CNTNAP3B: variants seen among roughly 807,000 people sequenced by gnomAD.
The protein encoded by CNTNAP3B is contactin-associated protein-like 3B.
Under a neutral mutation model 108.9 loss-of-function variants are expected in CNTNAP3B, and 25 were observed. The ratio of observed to expected loss-of-function variants is 0.23; its 90% CI spans 0.17 to 0.32. CNTNAP3B has a LOEUF of 0.32. Among genes scored for constraint, CNTNAP3B ranks in the 10% least tolerant of loss-of-function variants. The pLI is 1.00. For missense variants in CNTNAP3B, 252 were observed against 1,210.4 expected, an observed-to-expected ratio of 0.21 and a Z score of 11.75; for synonymous variants, 103 against 473.4, an observed-to-expected ratio of 0.22 and a Z score of 10.16.
chr9:42,103,530 TG>T (rs1401025489), intron 2 of CNTNAP3B, among the ~76,000 whole-genome samples: 22 of 121,240 alleles, frequency 1.8e-4, no homozygotes, highest in Non-Finnish European at 3.2e-4. Context: ...CAGACCACCT[TG>T]GCTAACATGG....
chr9:42,113,507 G>T (rs1274305611), intron 1 of CNTNAP3B, among the ~76,000 whole-genome samples: 1 of 139,300 alleles, frequency 7.2e-6, no homozygotes, highest in Non-Finnish European at 1.5e-5. Flanking sequence ...ATTAAGTCGT[G>T]CAGAAAGACA....
At chr9:41,939,880 G>T (rs1160649761) in intron 13 of CNTNAP3B, among the ~76,000 whole-genome samples, 1 of 152,012 alleles carries the variant, frequency 6.6e-6, no homozygotes, top group African/African-American at 2.4e-5. Flanking sequence ...TATAATGATA[G>T]ATTCTGGAAA....
intron 14 of CNTNAP3B, among the ~76,000 whole-genome samples, chr9:41,934,649 T>G (rs1824099398): frequency 6.6e-6 from 1 of 152,306 alleles, no homozygotes; most frequent in African/African-American, 2.4e-5. Flanking sequence ...TTGTCTGACA[T>G]AATACAGCTA....
intron 3 of CNTNAP3B, among the ~76,000 whole-genome samples, chr9:42,054,789 G>A (rs1342351386): frequency 2.6e-5 from 4 of 151,628 alleles, no homozygotes; most frequent in Non-Finnish European, 4.4e-5. Flanking sequence ...AAGTTAGGAT[G>A]ACATTTAACT....
chr9:41,955,911 C>G (rs865923165), intron 12 of CNTNAP3B, among the ~76,000 whole-genome samples: 76 of 152,318 alleles, frequency 5.0e-4, no homozygotes, highest in African/African-American at 1.8e-3. Context: ...ATTAAAAATG[C>G]ATTTTAATAC....
At chr9:42,076,260 CA>C (rs58062908) in intron 3 of CNTNAP3B, among the ~76,000 whole-genome samples, 59 of 83,746 alleles carry the variant, frequency 7.0e-4, no homozygotes, top group East Asian at 3.1e-3. Context: ...ACTAAAAATA[CA>C]AAAAAAAAAA....
At chr9:42,053,392 T>A (rs1186514699) in intron 3 of CNTNAP3B, among the ~76,000 whole-genome samples, 1 of 134,296 alleles carries the variant, frequency 7.4e-6, no homozygotes, top group East Asian at 2.3e-4. Flanking sequence ...TATGTATAAT[T>A]TGGGGGAAAG....
intron 3 of CNTNAP3B, among the ~76,000 whole-genome samples, chr9:42,020,468 C>A (rs1304480975): frequency 6.8e-6 from 1 of 147,530 alleles, no homozygotes; most frequent in Non-Finnish European, 1.5e-5. Flanking sequence ...TGTCTTCTTG[C>A]TCTCAGATTT....
chr9:41,943,861 T>C (rs1456409114), intron 13 of CNTNAP3B, among the ~76,000 whole-genome samples: 1 of 152,290 alleles, frequency 6.6e-6, no homozygotes, highest in Non-Finnish European at 1.5e-5. Context: ...CCTAGGCATC[T>C]CATATTCAAA....
intron 3 of CNTNAP3B, among the ~76,000 whole-genome samples, chr9:42,070,284 T>C (rs369906510): frequency 0.028 from 4,181 of 150,246 alleles, no homozygotes; most frequent in Non-Finnish European, 0.043. Context: ...TCGTGTTGGA[T>C]AAAGGGAAGC....
chr9:41,965,237 A>G (rs1287420723), intron 10 of CNTNAP3B, among the ~76,000 whole-genome samples: 102 of 152,272 alleles, frequency 6.7e-4, no homozygotes, highest in Non-Finnish European at 1.2e-3. Flanking sequence ...TAAAATCTCA[A>G]TGCCTTTTTT....
chr9:41,984,007 C>T lies in CNTNAP3B; in HGVS notation c.1477+2161G>A, dbSNP rs1221253455. 2.1e-5 allele frequency among the ~76,000 whole-genome samples: 2 copies of T among 96,518 alleles called. 1 individual carries two copies. Among genetic ancestry groups the T allele is most frequent in the East Asian group, 1.3e-3 (2 of 1,590 alleles). The allele number at this position is 96,518 out of a possible 152,430, so 63.3% of individuals were successfully genotyped here. On this transcript the variant is annotated intron_variant, in intron 9 of 23. Coordinates refer to ENST00000377561, the MANE Select transcript of CNTNAP3B (RefSeq NM_001201380.3). The stretch of plus-strand genomic sequence containing the variant: ...CAGAGCTTGCAGTGAGCCGAGATCG[C>T]GCCACTGCACTCCAGCCTGGGGGAC...
In CNTNAP3B at chr9:42,097,547, A is replaced by C. The variant is rs1827932091; in HGVS notation, c.196+7082T>G. 1.4e-5 allele frequency among the ~76,000 whole-genome samples: 2 copies of C among 140,396 alleles called. 1 individual carries two copies. The highest frequency in any genetic ancestry group is 4.6e-4 in the South Asian group (2 of 4,362). 92.1% of individuals were successfully genotyped at this position (140,396 alleles called of 152,430 possible). On this transcript the variant is annotated intron_variant, in intron 2 of 23. Transcript: ENST00000377561. The stretch of plus-strand genomic sequence containing the variant: ...ATAAAGCAGGAACTTTCCAAAATTT[A>C]GTAAGAATAGCTAAGTACAAATCTA...
At chr9:41,939,908 G>A (rs1380021336) in intron 13 of CNTNAP3B, among the ~76,000 whole-genome samples, 4 of 151,852 alleles carry the variant, frequency 2.6e-5, no homozygotes, top group Admixed American at 6.6e-5. Context: ...GAAGACAACC[G>A]AAGAGAATTC....
intron 3 of CNTNAP3B, among the ~76,000 whole-genome samples, chr9:42,070,283 A>G (rs1254512972): frequency 4.6e-5 from 7 of 150,582 alleles, no homozygotes; most frequent in African/African-American, 1.7e-4. Flanking sequence ...TTCGTGTTGG[A>G]TAAAGGGAAG....
intron 10 of CNTNAP3B, among the ~76,000 whole-genome samples, chr9:41,965,294 G>A (rs1825235554): frequency 6.6e-6 from 1 of 152,174 alleles, no homozygotes; most frequent in Non-Finnish European, 1.5e-5. Flanking sequence ...AACCTCAAGG[G>A]ACCCTGAACC....
chr9:41,989,485 TC>T (rs1458266307), intron 8 of CNTNAP3B, among the ~76,000 whole-genome samples: 1 of 101,838 alleles, frequency 9.8e-6, no homozygotes, highest in African/African-American at 4.4e-5. Flanking sequence ...GATTTGCCTT[TC>T]CCTTTGGATA....
chr9:42,078,490 T>C (rs909159058), intron 2 of CNTNAP3B, among the ~76,000 whole-genome samples: 3 of 138,964 alleles, frequency 2.2e-5, no homozygotes, highest in African/African-American at 5.7e-5. Context: ...TATATAAATA[T>C]AATTTTTGTT....
At position 41,920,570 on chromosome 9, in the gene CNTNAP3B, G is replaced by A. The variant is rs1302329584; in HGVS notation, c.2756-261C>T. Among the ~76,000 whole-genome samples the A allele has an allele frequency of 2.6e-5, 4 of 152,246 alleles. No homozygotes were observed. The East Asian group carries it at 5.8e-4, about 22-fold the overall frequency. On this transcript the variant is annotated intron_variant, in intron 17 of 23. Transcript: ENST00000377561. ...TTCTAAAAACATTTCCTTAACTTCA[G>A]GTAAGAAAGAATTTCACTTTAGTTC...
Sources: gnomAD v4.1 joint callset for allele counts (sites outside exome capture counted in the v4.1 genomes callset) on GRCh38, gnomAD v4.1.1 for gene constraint, MANE v1.5 for transcripts, NCBI Gene and HGNC (gene_info 2026-07-23, HGNC 2026-07-21) for gene names.